Variants in PIK3C2G observed in about 807,000 individuals in gnomAD.
PIK3C2G encodes phosphatidylinositol-4-phosphate 3-kinase catalytic subunit type 2 gamma, also known as phosphatidylinositol 3-kinase C2 domain-containing subunit gamma.
In PIK3C2G, 168 loss-of-function variants were observed where a neutral mutation model predicts 181.1. That is an observed-to-expected ratio of 0.93 (90% CI 0.82 to 1.05). The LOEUF (loss-of-function observed/expected upper bound fraction) is 1.05, where lower values mean the gene tolerates loss of function less well. Ranked by LOEUF, PIK3C2G falls within the 50% of genes least tolerant of loss-of-function variation. PIK3C2G has a pLI of 0.00. For synonymous variants in PIK3C2G, 573 were observed against 592.2 expected (o/e 0.97, Z 0.47); for missense variants, 1,869 against 1,732.8 (o/e 1.08, Z -1.40).
chr12:18,602,034 C>T (rs1168368403), intron 30 of PIK3C2G, among the ~76,000 whole-genome samples: 1 of 152,114 alleles, frequency 6.6e-6, no homozygotes, highest in South Asian at 2.1e-4. Flanking sequence ...CTAGAAGCCT[C>T]CTGGCCAGAA....
At chr12:18,288,684 G>T (rs561835375) in intron 3 of PIK3C2G, among the ~76,000 whole-genome samples, 40 of 152,110 alleles carry the variant, frequency 2.6e-4, no homozygotes, top group African/African-American at 8.9e-4. Context: ...CTAAAATATG[G>T]TTAATTTTTA....
intron 5 of PIK3C2G, among the ~76,000 whole-genome samples, chr12:18,308,850 T>C (rs183422070): frequency 5.5e-4 from 83 of 151,762 alleles, no homozygotes; most frequent in African/African-American, 1.9e-3. Context: ...ATACTATATA[T>C]TGCAAAACAA....
At chr12:18,710,753 C>T in the PIK3C2G span, among the ~76,000 whole-genome samples, 1,172 of 152,246 alleles carry the variant, frequency 7.7e-3, 12 homozygotes, top group Non-Finnish European at 0.01. Flanking sequence ...CAAAAGAAGA[C>T]ATTTATGCAG....
exon 1 of PIK3C2G, chr12:18,247,663 C>T (rs745719706): frequency 2.6e-5 from 4 of 152,142 alleles, no homozygotes; most frequent in Admixed American, 6.5e-5. Flanking sequence ...TCTTACAATG[C>T]AAATGGACTT....
At chr12:18,391,886 T>TGGGA (rs140796987) in intron 15 of PIK3C2G, among the ~76,000 whole-genome samples, 2,347 of 151,832 alleles carry the variant, frequency 0.015, 69 homozygotes, top group African/African-American at 0.054. Flanking sequence ...TGTGTGTGTG[T>TGGGA]GTGAGAGAGA....
intron 9 of PIK3C2G, among the ~76,000 whole-genome samples, chr12:18,342,503 T>G (rs1335918988): frequency 6.6e-6 from 1 of 152,002 alleles, no homozygotes; most frequent in Non-Finnish European, 1.5e-5. Flanking sequence ...TTTTTTTATT[T>G]TTACTTTTTT....
At chr12:18,623,512 A>G in intron 31 of PIK3C2G, among the ~76,000 whole-genome samples, 1 of 151,624 alleles carries the variant, frequency 6.6e-6, no homozygotes, top group East Asian at 1.9e-4. Flanking sequence ...TGGCCTTGGC[A>G]ATTTGGAGTT....
At chr12:18,645,413 T>G (rs1591762711) in intron 32 of PIK3C2G, among the ~76,000 whole-genome samples, 1 of 152,316 alleles carries the variant, frequency 6.6e-6, no homozygotes, top group Non-Finnish European at 1.5e-5. Context: ...ATAACTTTTC[T>G]TAATGAAGCA....
At chr12:18,351,574 C>T (rs761136235) in intron 11 of PIK3C2G, among the ~76,000 whole-genome samples, 23 of 152,104 alleles carry the variant, frequency 1.5e-4, no homozygotes, top group Admixed American at 1.2e-3. Flanking sequence ...GTGAGTTTTG[C>T]GCTGGGAAAA....
chr12:18,249,358 C>T (rs1948073231), intron 1 of PIK3C2G, among the ~76,000 whole-genome samples: 1 of 151,978 alleles, frequency 6.6e-6, no homozygotes, highest in African/African-American at 2.4e-5. Flanking sequence ...ACTCTATTTC[C>T]AACATAAATT....
chr12:18,272,988 T>TCACA (rs34904946), intron 1 of PIK3C2G, among the ~76,000 whole-genome samples: 50 of 149,934 alleles, frequency 3.3e-4, no homozygotes, highest in African/African-American at 4.7e-4. Flanking sequence ...GAAATGACAC[T>TCACA]CACACACACA....
chr12:18,562,717 G>C lies in PIK3C2G; in HGVS notation c.3605G>C (p.Ser1202Thr), dbSNP rs1194653697. 2.5e-6 allele frequency: 4 copies of C among 1,591,224 alleles called. No homozygotes were observed. The highest frequency in any genetic ancestry group is 3.5e-5 in the Admixed American group (2 of 57,668). Reference sequence around the variant, plus strand: ...CATTTCTCTAGGAAAATAAAGGAAAGTCTGGAGTGTTTCCCTGTTAAATTG... The same window carrying C: ...CATTTCTCTAGGAAAATAAAGGAAACTCTGGAGTGTTTCCCTGTTAAATTG... ...TSHFTKKIKE[S>T]LECFPVKLNN... Residue 1202 changes from serine (S) to threonine (T), a missense_variant, in exon 27 of 33, where the codon AGT (serine) becomes ACT (threonine). Physicochemically the swap from Ser to Thr is moderately conservative, Grantham distance 58. Coordinates refer to ENST00000538779, the MANE Select transcript of PIK3C2G (RefSeq NM_001288772.2).
At chr12:18,569,853 G>T (rs1945834907) in intron 29 of PIK3C2G, among the ~76,000 whole-genome samples, 1 of 151,876 alleles carries the variant, frequency 6.6e-6, no homozygotes, top group Non-Finnish European at 1.5e-5. Flanking sequence ...ATGTTTTTTG[G>T]TCATTCGGAT....
chr12:18,291,352 A>G (rs775191780), intron 4 of PIK3C2G, among the ~76,000 whole-genome samples: 3 of 152,220 alleles, frequency 2.0e-5, no homozygotes, highest in African/African-American at 4.8e-5. Context: ...GGCTGCTTCT[A>G]TCTATTAGGA....
At chr12:18,585,980 A>C (rs996734131) in intron 29 of PIK3C2G, among the ~76,000 whole-genome samples, 2 of 152,196 alleles carry the variant, frequency 1.3e-5, no homozygotes, top group Non-Finnish European at 2.9e-5. Flanking sequence ...GGCAGAAATC[A>C]AGAAGTTCTT....
chr12:18,447,995 A>T (rs1947122092), intron 18 of PIK3C2G, among the ~76,000 whole-genome samples: 1 of 152,136 alleles, frequency 6.6e-6, no homozygotes, highest in African/African-American at 2.4e-5. Context: ...TCTTCCTGGC[A>T]ATGAAGCTAA....
At chr12:18,364,923 C>T (rs1421735257) in intron 12 of PIK3C2G, among the ~76,000 whole-genome samples, 1 of 152,086 alleles carries the variant, frequency 6.6e-6, no homozygotes, top group African/African-American at 2.4e-5. Flanking sequence ...AACCATTAAT[C>T]AGTTCAATCC....
intron 18 of PIK3C2G, among the ~76,000 whole-genome samples, chr12:18,475,683 C>G (rs1938919885): frequency 1.3e-5 from 2 of 151,980 alleles, no homozygotes; most frequent in South Asian, 4.1e-4. Flanking sequence ...TTTCAAAATT[C>G]TCAAATATAA....
intron 6 of PIK3C2G, among the ~76,000 whole-genome samples, chr12:18,320,591 C>A (rs1345799571): frequency 6.6e-6 from 1 of 152,228 alleles, no homozygotes; most frequent in Non-Finnish European, 1.5e-5. Flanking sequence ...AAATGTCAGG[C>A]TTTACACTGC....
Sources: gnomAD v4.1 joint callset for allele counts (sites outside exome capture counted in the v4.1 genomes callset) on GRCh38, gnomAD v4.1.1 for gene constraint, MANE v1.5 for transcripts, NCBI Gene and HGNC (gene_info 2026-07-23, HGNC 2026-07-21) for gene names.